Variants in SNX13 observed in about 807,000 individuals in gnomAD.
SNX13 encodes the protein sorting nexin-13.
A neutral mutation model predicts 133.6 loss-of-function variants in SNX13; 45 were observed. The observed-to-expected ratio is 0.34, with a 90% CI of 0.27 to 0.43. SNX13 has a LOEUF of 0.43. Ranked by LOEUF, SNX13 falls within the 20% of genes least tolerant of loss-of-function variation. The probability of loss-of-function intolerance (pLI) is 1.00; values close to 1 mark genes in which losing one functional copy is unlikely to be tolerated. For missense variants in SNX13, 1,032 were observed against 1,145.1 expected (o/e 0.90, Z 1.43); for synonymous variants, 414 against 373.9 (o/e 1.11, Z -1.24).
At chr7:17,896,400 A>C (rs750718157) in intron 2 of SNX13, among the ~76,000 whole-genome samples, 2 of 152,178 alleles carry the variant, frequency 1.3e-5, no homozygotes, top group African/African-American at 2.4e-5. Context: ...CTACAACATG[A>C]CTATCAAATC....
At chr7:17,855,616 T>G (rs118177485) in intron 9 of SNX13, among the ~76,000 whole-genome samples, 103 of 152,304 alleles carry the variant, frequency 6.8e-4, no homozygotes, top group African/African-American at 2.4e-3. Context: ...GCCTGAATAA[T>G]AGCATGTCTG....
At chr7:17,887,911 T>C (rs1020348049) in intron 5 of SNX13, among the ~76,000 whole-genome samples, 5 of 151,194 alleles carry the variant, frequency 3.3e-5, no homozygotes, top group African/African-American at 1.2e-4. Context: ...AAGAGCCCTA[T>C]AAAGGACTGT....
chr7:17,871,198 C>G lies in SNX13; in HGVS notation c.753+2330G>C, dbSNP rs189865306. On this transcript the variant is annotated intron_variant, in intron 8 of 25. Coordinates refer to ENST00000428135, the MANE Select transcript of SNX13 (RefSeq NM_015132.5). ...TTTTTTGTATTTTTAGTAGAGACGGCGTTTCACCGTGTTAGCCAGGATGGT... is the reference window on the plus strand; with the variant it reads ...TTTTTTGTATTTTTAGTAGAGACGGGGTTTCACCGTGTTAGCCAGGATGGT... Among the ~76,000 whole-genome samples, 1,511 of 151,844 alleles carry G rather than the reference C, an allele frequency of 1.0e-2. 30 individuals are homozygous for G. The highest frequency in any genetic ancestry group is 0.034 in the African/African-American group (1,407 of 41,428).
At chr7:17,893,569 A>G in intron 2 of SNX13, 135 bp from the exon 3 acceptor site, 1 of 608,480 alleles carries the variant, frequency 1.6e-6, no homozygotes, top group Non-Finnish European at 2.9e-6. Flanking sequence ...ACTTTGGCAA[A>G]GCAAGAAATT....
intron 8 of SNX13, among the ~76,000 whole-genome samples, chr7:17,873,261 T>G (rs1430202829): frequency 1.3e-5 from 2 of 152,214 alleles, no homozygotes; most frequent in African/African-American, 4.8e-5. Flanking sequence ...TGTTCTTTCA[T>G]GTACACACAG....
chr7:17,897,311 A>G (rs946503276), intron 2 of SNX13, 23 bp downstream of exon 2: 8 of 1,318,510 alleles, frequency 6.1e-6, no homozygotes, highest in Non-Finnish European at 8.3e-6. Context: ...ATGAATTATA[A>G]AATTATAATT....
At chr7:17,882,143 T>C (rs1482037469) in intron 5 of SNX13, 1 of 152,194 alleles carries the variant, frequency 6.6e-6, no homozygotes. Flanking sequence ...ATACAACTCA[T>C]TACTTCAGGT....
At chr7:17,822,065 C>A (rs1787354855) in intron 17 of SNX13, among the ~76,000 whole-genome samples, 1 of 152,064 alleles carries the variant, frequency 6.6e-6, no homozygotes, top group Non-Finnish European at 1.5e-5. Flanking sequence ...TTTGTACTAG[C>A]CTTCACTCTT....
Position 17,834,861 on chromosome 7 carries a change from G to T in SNX13, c.1364C>A (p.Ser455Tyr). Residue 455 changes from serine (S) to tyrosine (Y), a missense_variant, in exon 14 of 26, where the codon TCT becomes TAT. Ser to Tyr is a moderately radical substitution (Grantham distance 144). Transcript: ENST00000428135. Reference sequence around the variant, plus strand: ...ATAGTCATCAACAGTAACTCTTGGAGATGCCTAACAGAGAAAAATAATAGT... The same window carrying T: ...ATAGTCATCAACAGTAACTCTTGGATATGCCTAACAGAGAAAAATAATAGT... ...IYEQYLSEKA[S>Y]PRVTVDDYLV... 1 of 1,588,012 alleles carries T rather than the reference G, an allele frequency of 6.3e-7. No homozygotes were observed. Among genetic ancestry groups the T allele is most frequent in the Non-Finnish European group, 8.6e-7 (1 of 1,159,376 alleles).
At chr7:17,888,554 C>G (rs995392539) in intron 5 of SNX13, 4 of 374,344 alleles carry the variant, frequency 1.1e-5, no homozygotes, top group African/African-American at 8.6e-5. Context: ...AGACTAACCA[C>G]TTTACCTTTC....
chr7:17,852,576 A>C (rs889714750), intron 9 of SNX13, among the ~76,000 whole-genome samples: 3 of 152,244 alleles, frequency 2.0e-5, no homozygotes, highest in Admixed American at 2.0e-4. Flanking sequence ...GTAGACAGCC[A>C]ACAGTCAACC....
intron 1 of SNX13, chr7:17,899,977 T>C (rs1052723482): frequency 6.6e-6 from 1 of 152,222 alleles, no homozygotes; most frequent in African/African-American, 2.4e-5. Flanking sequence ...TCAAAGGAAC[T>C]TGGGTGTTGT....
chr7:17,805,250 T>TGTGTGTGTGCGCGCGCGC, intron 20 of SNX13, among the ~76,000 whole-genome samples: 80 of 95,590 alleles, frequency 8.4e-4, no homozygotes, highest in South Asian at 1.8e-3. Context: ...TGTGTGTGTG[T>TGTGTGTGTGCGCGCGCGC]GCGTGCGCGC....
intron 20 of SNX13, among the ~76,000 whole-genome samples, chr7:17,805,255 G>GTGTGTGTGTGTGCGCGCGCGCGCGCGCA (rs772458913): frequency 1.2e-5 from 1 of 86,764 alleles, no homozygotes; most frequent in African/African-American, 3.4e-5. Context: ...GTGTGTGCGT[G>GTGTGTGTGTGTGCGCGCGCGCGCGCGCA]CGCGCGCGCG....
At chr7:17,830,989 A>T in intron 15 of SNX13, 1 of 984,392 alleles carries the variant, frequency 1.0e-6, no homozygotes, top group Non-Finnish European at 1.2e-6. Flanking sequence ...AAAAAATGGG[A>T]ATTTCACCTA....
intron 8 of SNX13, among the ~76,000 whole-genome samples, chr7:17,871,809 A>G (rs1794150802): frequency 2.0e-5 from 3 of 152,168 alleles, no homozygotes; most frequent in Admixed American, 2.0e-4. Context: ...GTTTTTTACT[A>G]CACTTACTGT....
At chr7:17,888,132 A>G (rs1020209218) in intron 5 of SNX13, 1 of 152,192 alleles carries the variant, frequency 6.6e-6, no homozygotes, top group Non-Finnish European at 1.5e-5. Context: ...TTAACAGAGA[A>G]GGAACAAACC....
At chr7:17,839,631 T>C (rs958532169) in intron 13 of SNX13, among the ~76,000 whole-genome samples, 176 bp downstream of exon 13, 5 of 151,992 alleles carry the variant, frequency 3.3e-5, no homozygotes, top group African/African-American at 1.2e-4. Context: ...CCATGATAAT[T>C]TGACTGGCTA....
At chr7:17,918,916 G>C (rs938636959) in intron 1 of SNX13, among the ~76,000 whole-genome samples, 1 of 152,172 alleles carries the variant, frequency 6.6e-6, no homozygotes. Context: ...AGCCACAAAA[G>C]AGAATGAAAT....
Sources: gnomAD v4.1 joint callset for allele counts (sites outside exome capture counted in the v4.1 genomes callset) on GRCh38, gnomAD v4.1.1 for gene constraint, MANE v1.5 for transcripts, NCBI Gene and HGNC (gene_info 2026-07-23, HGNC 2026-07-21) for gene names.